ATP8B4: variants seen among roughly 807,000 people sequenced by gnomAD.
ATP8B4 encodes ATPase phospholipid transporting 8B4 (putative).
A neutral mutation model predicts 145.6 loss-of-function variants in ATP8B4; 133 were observed. That is an observed-to-expected ratio of 0.91 (90% CI 0.79 to 1.05). ATP8B4 has a LOEUF of 1.05. ATP8B4 is among the 50% of genes least tolerant of loss of function. The pLI is 0.00. For synonymous variants in ATP8B4, 507 were observed against 492.9 expected, an observed-to-expected ratio of 1.03 and a Z score of -0.38; for missense variants, 1,458 against 1,425.2, an observed-to-expected ratio of 1.02 and a Z score of -0.37.
In ATP8B4 at chr15:50,015,056, A is replaced by G. The variant is rs185061798; in HGVS notation, c.363-4139T>C. On this transcript the variant is annotated intron_variant, in intron 6 of 27. Coordinates refer to ENST00000284509, the MANE Select transcript of ATP8B4 (RefSeq NM_024837.4). ...TACTTAATCATGGTTCATTCACTCA[A>G]TGGAATATAGTGCAGCCACTGAAAA... 1.4e-4 allele frequency among the ~76,000 whole-genome samples: 21 copies of G among 152,332 alleles called. No homozygotes were observed. In the East Asian group the frequency reaches 4.1e-3, roughly 29 times the overall value.
intron 14 of ATP8B4, among the ~76,000 whole-genome samples, chr15:49,950,611 C>CAA (rs1316878072): frequency 0.048 from 5,069 of 106,676 alleles, 189 homozygotes; most frequent in South Asian, 0.065. Flanking sequence ...AACAAACAAA[C>CAA]AAACAAACAA....
At chr15:50,010,607 A>G (rs2153570649) in intron 7 of ATP8B4, among the ~76,000 whole-genome samples, 1 of 152,230 alleles carries the variant, frequency 6.6e-6, no homozygotes, top group Admixed American at 6.6e-5. Flanking sequence ...TTAATTTAAA[A>G]GATCTCTAGG....
intron 1 of ATP8B4, among the ~76,000 whole-genome samples, chr15:50,171,746 A>G (rs1393173173): frequency 6.6e-6 from 1 of 152,280 alleles, no homozygotes; most frequent in East Asian, 1.9e-4. Context: ...ACAAACAAAC[A>G]AAAATACAAA....
At chr15:50,013,085 T>C (rs1021588580) in intron 6 of ATP8B4, among the ~76,000 whole-genome samples, 1 of 152,086 alleles carries the variant, frequency 6.6e-6, no homozygotes, top group African/African-American at 2.4e-5. Flanking sequence ...CCACCACCAC[T>C]GACAATAATA....
At chr15:50,105,100 G>A (rs112144753) in intron 2 of ATP8B4, among the ~76,000 whole-genome samples, 1 of 151,960 alleles carries the variant, frequency 6.6e-6, no homozygotes. Flanking sequence ...GGACTTGGGG[G>A]AAAGGGTGGC....
chr15:49,902,882 T>G (rs1477243255), intron 20 of ATP8B4, among the ~76,000 whole-genome samples: 1 of 152,220 alleles, frequency 6.6e-6, no homozygotes, highest in African/African-American at 2.4e-5. Flanking sequence ...TGAGTACTCC[T>G]TTTGAGTAAA....
chr15:49,952,110 C>A (rs957777467), intron 14 of ATP8B4, among the ~76,000 whole-genome samples: 42 of 152,328 alleles, frequency 2.8e-4, no homozygotes, highest in African/African-American at 9.9e-4. Context: ...GCCTTACTCT[C>A]TGGCTGCCCT....
rs1434303802 is a variant in ATP8B4 at position 50,145,756 on chromosome 15, A to T, written c.-43+36505T>A. 2.6e-5 allele frequency among the ~76,000 whole-genome samples: 4 copies of T among 152,098 alleles called. No homozygotes were observed. In the South Asian group the frequency reaches 6.2e-4, roughly 24 times the overall value. On this transcript the variant is annotated intron_variant, in intron 1 of 3. Coordinates refer to the ATP8B4 transcript ENST00000558829. ...AAGAAGAGAAAATGCTTGCTCAGTC[A>T]TTGGGAACTTTTTTGAAAATTGGTG...
intron 25 of ATP8B4, among the ~76,000 whole-genome samples, chr15:49,872,468 A>G (rs941914765): frequency 1.3e-5 from 2 of 152,200 alleles, no homozygotes; most frequent in Non-Finnish European, 2.9e-5. Flanking sequence ...TAGTCAGCTT[A>G]CAGTGGAGAA....
At chr15:50,109,916 G>C (rs1190293944) in intron 1 of ATP8B4, among the ~76,000 whole-genome samples, 2 of 152,030 alleles carry the variant, frequency 1.3e-5, no homozygotes, top group African/African-American at 2.4e-5. Context: ...CATTTTAAAA[G>C]TTCCTAGACA....
chr15:49,873,365 A>G (rs753349340), intron 25 of ATP8B4, among the ~76,000 whole-genome samples: 3 of 152,212 alleles, frequency 2.0e-5, no homozygotes, highest in Non-Finnish European at 2.9e-5. Context: ...ATCATTTGCC[A>G]TAGTGAAATG....
At chr15:50,020,270 G>GGT (rs1435963492) in intron 6 of ATP8B4, among the ~76,000 whole-genome samples, 5 of 125,550 alleles carry the variant, frequency 4.0e-5, no homozygotes, top group South Asian at 2.5e-4. Context: ...TGAGTTTTTT[G>GGT]TTTTTTTTTT....
At chr15:50,011,552 G>A (rs1456061683) in intron 6 of ATP8B4, among the ~76,000 whole-genome samples, 1 of 152,112 alleles carries the variant, frequency 6.6e-6, no homozygotes, top group East Asian at 1.9e-4. Flanking sequence ...TGCTTTCTGT[G>A]CAGGTCATGT....
chr15:49,917,153 T>C (rs1032523136), intron 19 of ATP8B4, 114 bp from the exon 20 acceptor site: 1 of 925,668 alleles, frequency 1.1e-6, no homozygotes, highest in Admixed American at 2.1e-5. Context: ...AGGGGGCTGA[T>C]GTCAGAGAGA....
At chr15:50,158,839 C>T (rs1477373081) in intron 1 of ATP8B4, among the ~76,000 whole-genome samples, 1 of 152,194 alleles carries the variant, frequency 6.6e-6, no homozygotes, top group African/African-American at 2.4e-5. Flanking sequence ...ATGTGCTGTG[C>T]CCACTCAGGG....
At chr15:50,031,679 A>G (rs945100127) in intron 6 of ATP8B4, among the ~76,000 whole-genome samples, 4 of 151,944 alleles carry the variant, frequency 2.6e-5, no homozygotes, top group African/African-American at 9.7e-5. Flanking sequence ...GCAGAAGGCC[A>G]TATCATATAC....
chr15:49,863,088 G>A (rs1036033022), intron 26 of ATP8B4, among the ~76,000 whole-genome samples: 2 of 152,246 alleles, frequency 1.3e-5, no homozygotes, highest in African/African-American at 2.4e-5. Context: ...AGTAATGATC[G>A]CATTGATTGG....
intron 15 of ATP8B4, among the ~76,000 whole-genome samples, chr15:49,932,788 T>C (rs146252901): frequency 1.8e-4 from 28 of 152,146 alleles, no homozygotes; most frequent in African/African-American, 5.3e-4. Flanking sequence ...CAGTGAAAGA[T>C]GGCCTCTCAA....
At chr15:50,011,576 C>T (rs2048724270) in intron 6 of ATP8B4, among the ~76,000 whole-genome samples, 1 of 152,038 alleles carries the variant, frequency 6.6e-6, no homozygotes, top group Admixed American at 6.6e-5. Flanking sequence ...TGATGGAGCC[C>T]CAAGACCACC....
Sources: gnomAD v4.1 joint callset for allele counts (sites outside exome capture counted in the v4.1 genomes callset) on GRCh38, gnomAD v4.1.1 for gene constraint, MANE v1.5 for transcripts, NCBI Gene and HGNC (gene_info 2026-07-23, HGNC 2026-07-21) for gene names.